PSD3: variants seen among roughly 807,000 people sequenced by gnomAD.
The protein encoded by PSD3 is PH and SEC7 domain-containing protein 3.
PSD3 carries 49 observed loss-of-function variants against 105.5 expected under a neutral mutation model. The ratio of observed to expected loss-of-function variants is 0.46; its 90% CI spans 0.37 to 0.59. The LOEUF is 0.59. Ranked by LOEUF, PSD3 falls within the 20% of genes least tolerant of loss-of-function variation. The pLI is 0.00. For missense variants in PSD3, 1,561 were observed against 1,263.8 expected (o/e 1.24, Z -3.57); for synonymous variants, 557 against 457.8 (o/e 1.22, Z -2.77).
chr8:18,895,134 A>C (rs1384695699), intron 2 of PSD3, among the ~76,000 whole-genome samples: 1 of 152,212 alleles, frequency 6.6e-6, no homozygotes, highest in African/African-American at 2.4e-5. Context: ...TTGGCAATCA[A>C]GGAAGCCTGC....
chr8:18,668,137 C>T (rs936499848), intron 9 of PSD3, among the ~76,000 whole-genome samples: 3 of 152,344 alleles, frequency 2.0e-5, no homozygotes, highest in South Asian at 2.1e-4. Context: ...TCCCACAGTG[C>T]AGCGGCAGGC....
chr8:18,879,057 C>CACACAA (rs1206214043), intron 2 of PSD3, among the ~76,000 whole-genome samples: 436 of 146,046 alleles, frequency 3.0e-3, no homozygotes, highest in African/African-American at 0.011. Flanking sequence ...CACAAACACA[C>CACACAA]ACACACACAC....
chr8:18,721,403 G>A (rs1475500515), intron 9 of PSD3, among the ~76,000 whole-genome samples: 1 of 152,138 alleles, frequency 6.6e-6, no homozygotes, highest in African/African-American at 2.4e-5. Flanking sequence ...AGGACCAAGT[G>A]CTTGAGCCAC....
At chr8:19,012,594 T>A (rs181663168) in intron 1 of PSD3, among the ~76,000 whole-genome samples, 1 of 152,138 alleles carries the variant, frequency 6.6e-6, no homozygotes, top group Non-Finnish European at 1.5e-5. Flanking sequence ...AGATCCTCCA[T>A]GGTAGCCTAC....
At chr8:19,079,992 C>T (rs1051753694) in intron 1 of PSD3, among the ~76,000 whole-genome samples, 7 of 150,180 alleles carry the variant, frequency 4.7e-5, no homozygotes, top group Non-Finnish European at 1.0e-4. Flanking sequence ...TGGGTTCAAG[C>T]GATTCTCCTG....
At chr8:18,982,867 G>C (rs1190114686) in intron 1 of PSD3, among the ~76,000 whole-genome samples, 1 of 152,138 alleles carries the variant, frequency 6.6e-6, no homozygotes, top group African/African-American at 2.4e-5. Flanking sequence ...AATGGTAAAT[G>C]AGCAATGGCT....
chr8:18,821,422 C>T (rs1812690702), intron 4 of PSD3, among the ~76,000 whole-genome samples: 2 of 151,934 alleles, frequency 1.3e-5, no homozygotes, highest in Non-Finnish European at 2.9e-5. Context: ...AAAAGCTGCA[C>T]CTTGAGATTA....
chr8:18,806,255 G>C (rs758465128), intron 4 of PSD3, among the ~76,000 whole-genome samples: 1 of 152,118 alleles, frequency 6.6e-6, no homozygotes, highest in Non-Finnish European at 1.5e-5. Flanking sequence ...TATTGTTTTT[G>C]CACCATAAGA....
At chr8:19,071,843 G>T (rs1563544625) in intron 1 of PSD3, among the ~76,000 whole-genome samples, 1 of 151,834 alleles carries the variant, frequency 6.6e-6, no homozygotes, top group Non-Finnish European at 1.5e-5. Context: ...CCGAGTATCT[G>T]GGATTACAGG....
intron 1 of PSD3, among the ~76,000 whole-genome samples, chr8:19,054,171 T>G (rs1167799148): frequency 6.6e-6 from 1 of 152,194 alleles, no homozygotes; most frequent in Admixed American, 6.5e-5. Flanking sequence ...GGAAGCTACA[T>G]GTTGAATTGA....
chr8:18,767,699 A>G (rs551493601), intron 8 of PSD3, among the ~76,000 whole-genome samples: 1 of 152,112 alleles, frequency 6.6e-6, no homozygotes, highest in Non-Finnish European at 1.5e-5. Context: ...GTGAGCAGAG[A>G]TCGTGCCACT....
intron 1 of PSD3, among the ~76,000 whole-genome samples, chr8:19,079,092 T>C (rs1179401640): frequency 6.6e-6 from 1 of 151,980 alleles, no homozygotes; most frequent in African/African-American, 2.4e-5. Context: ...ACCTATACAA[T>C]GATCCACAGG....
chr8:18,937,283 G>A (rs1255282774), intron 1 of PSD3, among the ~76,000 whole-genome samples: 1 of 152,158 alleles, frequency 6.6e-6, no homozygotes, highest in East Asian at 1.9e-4. Context: ...ACATTAACCA[G>A]GATACAGATA....
At chr8:19,053,123 A>G (rs897284213) in intron 1 of PSD3, among the ~76,000 whole-genome samples, 2 of 152,108 alleles carry the variant, frequency 1.3e-5, no homozygotes, top group African/African-American at 4.8e-5. Flanking sequence ...GGCTTTCACC[A>G]CAGTGGTTCA....
At chr8:18,640,813 T>G (rs1807590723) in intron 10 of PSD3, among the ~76,000 whole-genome samples, 1 of 152,190 alleles carries the variant, frequency 6.6e-6, no homozygotes, top group Non-Finnish European at 1.5e-5. Flanking sequence ...GACCTACCTT[T>G]GAGTGTCTCA....
chr8:18,759,092 A>ACACACACACACACACACTCTCTCTCT (rs756248977), intron 9 of PSD3, among the ~76,000 whole-genome samples: 2 of 143,864 alleles, frequency 1.4e-5, no homozygotes, highest in Non-Finnish European at 3.1e-5. Context: ...ACACACACAC[A>ACACACACACACACACACTCTCTCTCT]CTCTCTCTCT....
At chr8:18,594,677 G>A (rs903422377) in intron 12 of PSD3, among the ~76,000 whole-genome samples, 14 of 151,240 alleles carry the variant, frequency 9.3e-5, no homozygotes, top group African/African-American at 3.4e-4. Flanking sequence ...GACCCCTGAT[G>A]GACACCAAAA....
chr8:18,879,003 G>C (rs1386146249), intron 2 of PSD3, among the ~76,000 whole-genome samples: 1 of 150,870 alleles, frequency 6.6e-6, no homozygotes, highest in Non-Finnish European at 1.5e-5. Context: ...TGCTTTAACA[G>C]TTTCAACTGC....
At chr8:18,628,782 A>C (rs1279742354) in intron 11 of PSD3, among the ~76,000 whole-genome samples, 1 of 151,768 alleles carries the variant, frequency 6.6e-6, no homozygotes, top group Admixed American at 6.6e-5. Flanking sequence ...GTACACTGTA[A>C]ACCTTGCAGC....
Sources: allele counts gnomAD v4.1 joint callset (sites outside exome capture counted in the v4.1 genomes callset), GRCh38; gene constraint gnomAD v4.1.1; transcripts MANE v1.5; gene names NCBI Gene and HGNC (gene_info 2026-07-23, HGNC 2026-07-21).